The following IPO5 variants were observed in gnomAD, a reference collection of about 807,000 sequenced individuals.
IPO5 encodes the protein importin 5.
Under a neutral mutation model 143.3 loss-of-function variants are expected in IPO5, and 18 were observed. The ratio of observed to expected loss-of-function variants is 0.13; its 90% confidence interval spans 0.09 to 0.19. The LOEUF (loss-of-function observed/expected upper bound fraction) is 0.19, where lower values mean the gene tolerates loss of function less well. IPO5 is among the 10% of genes least tolerant of loss of function. The pLI, the probability that IPO5 is intolerant of heterozygous loss-of-function variation, is 1.00. For missense variants in IPO5, 1,013 were observed against 1,336.9 expected (o/e 0.76, Z 3.78); for synonymous variants, 477 against 465.7 (o/e 1.02, Z -0.31).
chr13:97,982,366 C>T, intron 4 of IPO5, 137 bp from the exon 5 acceptor site: 1 of 611,820 alleles, frequency 1.6e-6, no homozygotes, highest in East Asian at 2.8e-5. Flanking sequence ...AAGTGTATTT[C>T]ATGTCACAGA....
rs1187185605 is a variant in IPO5 at position 97,983,546 on chromosome 13, C to A, written c.171+963C>A. On this transcript the variant is annotated intron_variant, in intron 5 of 28. Coordinates refer to ENST00000651721, the MANE Select transcript of IPO5 (RefSeq NM_002271.6). ...TTTTGTAGCTAATTCCACCCCCCCCCCCCACCGTCCCCCCGATTATAAGTT... is the reference window on the plus strand; with the variant it reads ...TTTTGTAGCTAATTCCACCCCCCCCACCCACCGTCCCCCCGATTATAAGTT... 1.5e-5 allele frequency among the ~76,000 whole-genome samples: 2 copies of A among 132,342 alleles called. 1 individual carries two copies. The highest frequency in any genetic ancestry group is 7.5e-3 in the Middle Eastern group (2 of 268). 86.8% of individuals were successfully genotyped at this position (132,342 alleles called of 152,430 possible).
chr13:97,957,196 T>C (rs988498853), intron 2 of IPO5, among the ~76,000 whole-genome samples: 1 of 146,962 alleles, frequency 6.8e-6, no homozygotes, highest in African/African-American at 2.5e-5. Flanking sequence ...ATCTAACATC[T>C]TTTTTTTTTT....
At chr13:97,969,176 T>TATATATATATATATATA (rs1491240999) in intron 2 of IPO5, among the ~76,000 whole-genome samples, 3 of 31,650 alleles carry the variant, frequency 9.5e-5, no homozygotes, top group Non-Finnish European at 1.9e-4. Flanking sequence ...TATATATATA[T>TATATATATATATATATA]TTTTTTTTTT....
chr13:97,963,073 C>A (rs1197097424), intron 2 of IPO5: 1 of 152,174 alleles, frequency 6.6e-6, no homozygotes, highest in African/African-American at 2.4e-5. Flanking sequence ...AGGCCTTCAA[C>A]TGATTAGATG....
intron 15 of IPO5, 33 bp downstream of exon 15, chr13:98,002,806 A>G: frequency 3.1e-6 from 5 of 1,596,172 alleles, no homozygotes; most frequent in Non-Finnish European, 4.3e-6. Context: ...CTTAAATCAG[A>G]CTTTAGGAAG....
chr13:97,991,905 G>A (rs751289506), intron 9 of IPO5, among the ~76,000 whole-genome samples: 2 of 152,226 alleles, frequency 1.3e-5, no homozygotes, highest in Non-Finnish European at 2.9e-5. Flanking sequence ...TGTCACAGGT[G>A]CAGGACATTT....
intron 13 of IPO5, among the ~76,000 whole-genome samples, chr13:98,001,244 T>C: frequency 6.6e-6 from 1 of 152,290 alleles, no homozygotes; most frequent in South Asian, 2.1e-4. Context: ...AATCCCAAAG[T>C]TTATTGTTGT....
In IPO5 at chr13:98,015,129, T is replaced by TC. The variant is rs530997962; in HGVS notation, c.2326-399dup. Among the ~76,000 whole-genome samples, 762 of 152,268 alleles carry TC rather than the reference T, an allele frequency of 5.0e-3. 5 individuals are homozygous for TC. Among genetic ancestry groups the TC allele is most frequent in the Non-Finnish European group, 8.3e-3 (567 of 67,992 alleles). On this transcript the variant is annotated intron_variant, in intron 22 of 28. Coordinates refer to ENST00000651721, the MANE Select transcript of IPO5 (RefSeq NM_002271.6). ...TCTGATTTTCCAAAGACAGCATGCTTCCATACCTTTGCCTATATTTTATTT... is the reference window on the plus strand; with the variant it reads ...TCTGATTTTCCAAAGACAGCATGCTTCCCATACCTTTGCCTATATTTTATTT...
At chr13:97,974,250 A>C (rs1886070410) in intron 3 of IPO5, among the ~76,000 whole-genome samples, 1 of 152,044 alleles carries the variant, frequency 6.6e-6, no homozygotes, top group African/African-American at 2.4e-5. Context: ...GCCTCTAAGC[A>C]ATTTATCATA....
At chr13:97,985,872 C>T (rs1887297841) in intron 6 of IPO5, among the ~76,000 whole-genome samples, 1 of 152,096 alleles carries the variant, frequency 6.6e-6, no homozygotes, top group South Asian at 2.1e-4. Context: ...CCTGTAATCT[C>T]AGCACTTTAG....
chr13:98,021,914 A>T lies in IPO5; in HGVS notation c.*92A>T. On this transcript the variant is annotated 3_prime_UTR_variant, in exon 29 of 29. Coordinates refer to ENST00000651721, the MANE Select transcript of IPO5 (RefSeq NM_002271.6). ...TTTGTTTTGTTTTTGAGCAAAAGAGATCGGTAGTGTTGTGTGTAGGCCATT... is the reference window on the plus strand; with the variant it reads ...TTTGTTTTGTTTTTGAGCAAAAGAGTTCGGTAGTGTTGTGTGTAGGCCATT... 1.1e-5 allele frequency: 9 copies of T among 832,658 alleles called. No individual in the cohort carries two copies. The highest frequency in any genetic ancestry group is 1.7e-5 in the African/African-American group (1 of 59,718). The allele number at this position is 832,658 out of a possible 1,614,324, so 51.6% of individuals were successfully genotyped here.
At chr13:98,009,325 T>C (rs1227003560) in intron 18 of IPO5, among the ~76,000 whole-genome samples, 1 of 152,182 alleles carries the variant, frequency 6.6e-6, no homozygotes, top group African/African-American at 2.4e-5. Context: ...CTCTAGGTAA[T>C]TTGCAGATGA....
At chr13:97,953,801 G>A (rs1884273504) in intron 1 of IPO5, 85 bp downstream of exon 1, 12 of 408,858 alleles carry the variant, frequency 2.9e-5, no homozygotes, top group South Asian at 2.2e-4. Flanking sequence ...TGATACTGGA[G>A]GGAAAGAGTT....
At chr13:97,983,231 A>G (rs984529096) in intron 5 of IPO5, among the ~76,000 whole-genome samples, 4 of 152,230 alleles carry the variant, frequency 2.6e-5, no homozygotes, top group African/African-American at 9.6e-5. Flanking sequence ...ATTCTAAAGA[A>G]GTAAATTAGT....
At chr13:97,985,053 C>T (rs1417751446) in intron 5 of IPO5, among the ~76,000 whole-genome samples, 1 of 152,094 alleles carries the variant, frequency 6.6e-6, no homozygotes, top group Non-Finnish European at 1.5e-5. Context: ...GGGAAAGGCG[C>T]TTGATATTCT....
At chr13:97,954,307 T>C (rs1884311895) in intron 2 of IPO5, 109 bp downstream of exon 2, 2 of 153,106 alleles carry the variant, frequency 1.3e-5, no homozygotes, top group African/African-American at 2.4e-5. Flanking sequence ...AATTATGATA[T>C]CTGTTTCTTG....
chr13:98,011,723 T>G (rs1379082898), intron 20 of IPO5, among the ~76,000 whole-genome samples: 2 of 152,196 alleles, frequency 1.3e-5, no homozygotes, highest in Non-Finnish European at 2.9e-5. Flanking sequence ...GCCAGGCTGG[T>G]CTCGAACTCC....
chr13:97,996,041 C>T (rs776251736), intron 11 of IPO5, among the ~76,000 whole-genome samples: 1 of 152,120 alleles, frequency 6.6e-6, no homozygotes, highest in Non-Finnish European at 1.5e-5. Flanking sequence ...ACACAATCAA[C>T]AGTTTTGTTA....
chr13:97,955,071 T>C (rs1884370372), intron 2 of IPO5, among the ~76,000 whole-genome samples: 1 of 151,784 alleles, frequency 6.6e-6, no homozygotes, highest in African/African-American at 2.4e-5. Flanking sequence ...CTACAAAATA[T>C]AGAAAAAAGT....
Sources: gnomAD v4.1 joint callset for allele counts (sites outside exome capture counted in the v4.1 genomes callset) on GRCh38, gnomAD v4.1.1 for gene constraint, MANE v1.5 for transcripts, NCBI Gene and HGNC (gene_info 2026-07-23, HGNC 2026-07-21) for gene names.